The following C13orf46 variants were observed in gnomAD, a reference collection of about 807,000 sequenced individuals.
The protein encoded by C13orf46 is uncharacterized protein C13orf46.
chr13:113,966,440 T>C, intron 5 of C13orf46, among the ~76,000 whole-genome samples: 1 of 151,332 alleles, frequency 6.6e-6, no homozygotes, highest in Non-Finnish European at 1.5e-5. Context: ...ATGGTGATGG[T>C]ATTAATGGTG....
At chr13:113,960,255 CA>C (rs879036504) in intron 6 of C13orf46, among the ~76,000 whole-genome samples, 5 of 150,728 alleles carry the variant, frequency 3.3e-5, no homozygotes, top group East Asian at 1.9e-4. Context: ...GACTCTGTCT[CA>C]AAAAAAAAGA....
downstream of C13orf46, among the ~76,000 whole-genome samples, chr13:113,952,405 T>C (rs1375285836): frequency 4.6e-5 from 7 of 151,982 alleles, no homozygotes; most frequent in Non-Finnish European, 7.4e-5. Flanking sequence ...AGGGCCGCTG[T>C]GTGGCCGCCG....
intron 5 of C13orf46, among the ~76,000 whole-genome samples, chr13:113,965,796 G>C (rs1029780082): frequency 0.11 from 15,589 of 144,160 alleles, 1,058 homozygotes; most frequent in Middle Eastern, 0.15. Context: ...TAATTATAAT[G>C]GTGGTGATGA....
the C13orf46 span, among the ~76,000 whole-genome samples, chr13:113,931,134 G>A: frequency 7.9e-5 from 12 of 152,326 alleles, no homozygotes; most frequent in East Asian, 1.7e-3. Flanking sequence ...CACCCAGGCC[G>A]AGACGCCAGA....
chr13:113,972,702 C>T (rs1018193451), intron 1 of C13orf46, among the ~76,000 whole-genome samples: 7 of 152,370 alleles, frequency 4.6e-5, no homozygotes, highest in East Asian at 1.9e-4. Context: ...AGAAGCCAAC[C>T]GTGTCAAACA....
At chr13:113,957,445 A>C (rs1212648647) in intron 6 of C13orf46, among the ~76,000 whole-genome samples, 7 of 72,810 alleles carry the variant, frequency 9.6e-5, no homozygotes, top group South Asian at 4.8e-4. Flanking sequence ...TCTCCCCTGC[A>C]CTCTGCCTGC....
chr13:113,959,378 G>GTAGAATGTGTGAGGCTGTCTGATTGGC, intron 6 of C13orf46, among the ~76,000 whole-genome samples: 1 of 152,280 alleles, frequency 6.6e-6, no homozygotes, highest in South Asian at 2.1e-4. Flanking sequence ...GTCTGATTGG[G>GTAGAATGTGTGAGGCTGTCTGATTGGC]TAGAATGTGT....
At chr13:113,934,332 A>G in the C13orf46 span, among the ~76,000 whole-genome samples, 4 of 152,212 alleles carry the variant, frequency 2.6e-5, no homozygotes, top group Admixed American at 2.6e-4. Flanking sequence ...TCTCTGCGAT[A>G]AATGCCCAGG....
chr13:113,957,038 TG>T (rs1187852293), intron 6 of C13orf46, among the ~76,000 whole-genome samples, 199 bp from the exon 7 acceptor site: 1 of 151,480 alleles, frequency 6.6e-6, no homozygotes, highest in Non-Finnish European at 1.5e-5. Context: ...TCAAGTGCAC[TG>T]GGGGGTCTCC....
At chr13:113,942,458 G>A in the C13orf46 span, among the ~76,000 whole-genome samples, 1 of 152,204 alleles carries the variant, frequency 6.6e-6, no homozygotes, top group African/African-American at 2.4e-5. Flanking sequence ...CCCTACAGAG[G>A]AAGGACGGCG....
the C13orf46 span, among the ~76,000 whole-genome samples, chr13:113,936,817 T>C: frequency 2.9e-4 from 44 of 151,192 alleles, 1 homozygote; most frequent in African/African-American, 1.1e-3. Flanking sequence ...GGGGGGGAAA[T>C]CAGTTGTCAG....
chr13:113,950,910 G>A (rs1353249514), downstream of C13orf46, among the ~76,000 whole-genome samples: 1 of 152,234 alleles, frequency 6.6e-6, no homozygotes, highest in South Asian at 2.1e-4. Context: ...ACCCTTCCCC[G>A]GGGCCCCGGG....
chr13:113,933,076 G>T, the C13orf46 span, among the ~76,000 whole-genome samples: 47 of 152,246 alleles, frequency 3.1e-4, no homozygotes, highest in African/African-American at 1.1e-3. Flanking sequence ...TGTTGCCCAG[G>T]CTGGTCTTGA....
At chr13:113,939,340 G>A in the C13orf46 span, among the ~76,000 whole-genome samples, 6 of 150,002 alleles carry the variant, frequency 4.0e-5, no homozygotes, top group African/African-American at 2.5e-5. Context: ...CCGATGGGGA[G>A]GACAGAGACC....
At chr13:113,952,821 G>A (rs2052494552), downstream of C13orf46, among the ~76,000 whole-genome samples, 1 of 152,246 alleles carries the variant, frequency 6.6e-6, no homozygotes, top group Non-Finnish European at 1.5e-5. Flanking sequence ...CCCCAGCGCT[G>A]CTGCCTGAGC....
In C13orf46 at chr13:113,956,626, C is replaced by T. The variant is rs1566415220; in HGVS notation, c.*147G>A. The T allele has an allele frequency of 6.6e-6, 1 of 152,366 alleles. No individual in the cohort carries two copies. The highest frequency in any genetic ancestry group is 6.5e-5 in the Admixed American group (1 of 15,282). 9.4% of individuals were successfully genotyped at this position (152,366 alleles called of 1,614,324 possible). A position where few individuals can be genotyped will look rare whatever the true frequency, so the allele number is the denominator to read the frequency against. ...CCTGGCCAGTCCCACAAGAAGAAAA[C>T]AGAAACCTCAGTGCCTGGCAGAGAA... is the stretch of plus-strand genomic sequence containing the variant. On this transcript the variant is annotated 3_prime_UTR_variant, in exon 7 of 7. Transcript: ENST00000636427.
Position 113,974,019 on chromosome 13 carries a change from G to A in C13orf46, c.-22C>T, listed in dbSNP as rs2052737721. ...CCATCCTCCAGCCCAGCCTCGGCTT[G>A]AGCACAAGGCTGCCACCCTCACACC... On this transcript the variant is annotated 5_prime_UTR_variant, in exon 1 of 7. Transcript: ENST00000636427. The A allele has an allele frequency of 6.6e-6, 1 of 152,660 alleles. No homozygotes were observed. Among genetic ancestry groups the A allele is most frequent in the Non-Finnish European group, 1.5e-5 (1 of 68,342 alleles). The allele number at this position is 152,660 out of a possible 1,614,324, so 9.5% of individuals were successfully genotyped here. A position where few individuals can be genotyped will look rare whatever the true frequency, so the allele number is the denominator to read the frequency against.
chr13:113,960,007 C>A (rs1017323177), intron 6 of C13orf46, among the ~76,000 whole-genome samples: 1 of 152,090 alleles, frequency 6.6e-6, no homozygotes, highest in East Asian at 1.9e-4. Flanking sequence ...AATCCCAGCA[C>A]TTTGGGAGGC....
chr13:113,950,767 C>T (rs1030547449), downstream of C13orf46, among the ~76,000 whole-genome samples: 10 of 152,182 alleles, frequency 6.6e-5, no homozygotes, highest in Non-Finnish European at 1.3e-4. Flanking sequence ...CAGGAGCCGG[C>T]GCCCAGGGGA....
Sources: allele counts gnomAD v4.1 joint callset (sites outside exome capture counted in the v4.1 genomes callset), GRCh38; gene constraint gnomAD v4.1.1; transcripts MANE v1.5; gene names NCBI Gene and HGNC (gene_info 2026-07-23, HGNC 2026-07-21).